PUDP: variants seen among roughly 807,000 people sequenced by gnomAD.
The protein encoded by PUDP is pseudouridine-5'-phosphatase.
A neutral mutation model predicts 9.4 loss-of-function variants in PUDP; 8 were observed. The ratio of observed to expected loss-of-function variants is 0.85; its 90% CI spans 0.50 to 1.53. The LOEUF (loss-of-function observed/expected upper bound fraction) is 1.53, where lower values mean the gene tolerates loss of function less well. Ranked by LOEUF, PUDP falls within the 40% of genes most tolerant of loss-of-function variation. The pLI, the probability that PUDP is intolerant of heterozygous loss-of-function variation, is 0.00. For missense variants in PUDP, 188 were observed against 189.7 expected, an observed-to-expected ratio of 0.99 and a Z score of 0.05; for synonymous variants, 99 against 80.7, an observed-to-expected ratio of 1.23 and a Z score of -1.22.
At chrX:7,132,188 GA>G (rs1411414870) in intron 1 of PUDP, among the ~76,000 whole-genome samples, 2 of 111,115 alleles carry the variant, frequency 1.8e-5, no homozygotes, top group Non-Finnish European at 3.8e-5. Context: ...GTCCTGCTGT[GA>G]AAAGTCAGTC....
At chrX:7,064,137 G>A (rs1930482057) in intron 3 of PUDP, among the ~76,000 whole-genome samples, 1 of 111,165 alleles carries the variant, frequency 9.0e-6, no homozygotes, top group African/African-American at 3.3e-5. Context: ...CTTTATGTTG[G>A]GATATGCACT....
At chrX:6,950,866 C>T (rs1193349968) in intron 3 of PUDP, among the ~76,000 whole-genome samples, 8 of 111,724 alleles carry the variant, frequency 7.2e-5, no homozygotes, top group Non-Finnish European at 9.4e-5. Context: ...GGTGAAGGCC[C>T]GAGTAGAGCA....
chrX:6,776,864 A>G (rs1925473549), intron 3 of PUDP, among the ~76,000 whole-genome samples: 1 of 112,534 alleles, frequency 8.9e-6, no homozygotes, highest in Non-Finnish European at 1.9e-5. Context: ...TGAAATACAA[A>G]TAATACTCCA....
At chrX:7,100,872 T>C (rs1321949525) in intron 2 of PUDP, among the ~76,000 whole-genome samples, 2 of 112,340 alleles carry the variant, frequency 1.8e-5, no homozygotes, top group Admixed American at 9.4e-5. Context: ...TTCTGCTCTA[T>C]ACATTCAGTC....
chrX:7,000,974 CAAT>C (rs2146809302), intron 1 of PUDP, among the ~76,000 whole-genome samples: 1 of 108,070 alleles, frequency 9.3e-6, no homozygotes, highest in South Asian at 4.0e-4. Context: ...AATAAGAAAA[CAAT>C]AAAGTATATA....
chrX:6,837,400 G>T (rs970065464), intron 3 of PUDP, among the ~76,000 whole-genome samples: 3 of 112,986 alleles, frequency 2.7e-5, no homozygotes, highest in African/African-American at 9.6e-5. Flanking sequence ...CTGCCATAAT[G>T]GCATGATGGA....
chrX:6,845,139 T>C (rs1188014689), intron 3 of PUDP, among the ~76,000 whole-genome samples: 1 of 112,020 alleles, frequency 8.9e-6, no homozygotes, highest in African/African-American at 3.2e-5. Context: ...TGGGCCTCTT[T>C]TAGCCTAGTC....
chrX:6,972,911 C>T (rs188784994), intron 3 of PUDP, among the ~76,000 whole-genome samples: 288 of 111,523 alleles, frequency 2.6e-3, no homozygotes, highest in Non-Finnish European at 4.4e-3. Context: ...TTCGGGGATT[C>T]GACTTCTTCC....
intron 3 of PUDP, among the ~76,000 whole-genome samples, chrX:7,061,389 C>A (rs1930397505): frequency 9.0e-6 from 1 of 111,318 alleles, no homozygotes; most frequent in Non-Finnish European, 1.9e-5. Flanking sequence ...CTCCCCAAAG[C>A]CAATTTTTAT....
chrX:7,080,582 T>C (rs1299609851), intron 2 of PUDP, among the ~76,000 whole-genome samples: 1 of 112,027 alleles, frequency 8.9e-6, no homozygotes, highest in Non-Finnish European at 1.9e-5. Context: ...AGTGTAGAAG[T>C]ACTCCACCTA....
At chrX:6,882,903 G>C (rs1927369778) in intron 3 of PUDP, among the ~76,000 whole-genome samples, 1 of 111,573 alleles carries the variant, frequency 9.0e-6, no homozygotes, top group African/African-American at 3.3e-5. Flanking sequence ...GGCCACCTAA[G>C]AAAAGCAGGC....
intron 1 of PUDP, among the ~76,000 whole-genome samples, chrX:7,020,071 G>C (rs951855668): frequency 9.1e-6 from 1 of 110,236 alleles, no homozygotes; most frequent in African/African-American, 3.3e-5. Context: ...TGGAAGGAGG[G>C]TTTGTGGACG....
chrX:6,794,552 A>C (rs1239780901), intron 3 of PUDP, among the ~76,000 whole-genome samples: 1 of 110,833 alleles, frequency 9.0e-6, no homozygotes, highest in African/African-American at 3.3e-5. Flanking sequence ...TTTACTTAAA[A>C]AACACTTTTC....
At chrX:6,849,160 C>T (rs1926791966) in intron 3 of PUDP, among the ~76,000 whole-genome samples, 1 of 111,248 alleles carries the variant, frequency 9.0e-6, no homozygotes, top group African/African-American at 3.3e-5. Flanking sequence ...TATTGGAAGC[C>T]CTCTGAGAGC....
intron 3 of PUDP, among the ~76,000 whole-genome samples, chrX:6,821,497 C>T (rs955640191): frequency 9.0e-6 from 1 of 111,091 alleles, no homozygotes; most frequent in African/African-American, 3.3e-5. Flanking sequence ...AGCAGGAAAC[C>T]CACGTTCACC....
intron 1 of PUDP, among the ~76,000 whole-genome samples, chrX:7,109,033 C>T (rs758382841): frequency 4.2e-4 from 47 of 111,874 alleles, no homozygotes; most frequent in Non-Finnish European, 6.0e-4. Context: ...AGTCGAAGTT[C>T]AAGTAACAAC....
chrX:7,129,422 G>A (rs958322255), intron 1 of PUDP, among the ~76,000 whole-genome samples: 4 of 111,825 alleles, frequency 3.6e-5, no homozygotes, highest in Non-Finnish European at 7.5e-5. Context: ...TGTTGGACCC[G>A]TGTTCTGAAT....
In PUDP at chrX:7,050,495, G is replaced by A. The variant is rs964742229; in HGVS notation, c.511-23C>T. 8 of 1,185,543 alleles carry A rather than the reference G, an allele frequency of 6.7e-6. No homozygotes were observed. The East Asian group carries it at 9.0e-5, about 13-fold the overall frequency. ...GCACTGTAGGAAGAAAAAGAAAGTC[G>A]AGATGGCCTTTTATGGAACCAGACA... On this transcript the variant is annotated intron_variant, in intron 3 of 3. Transcript: ENST00000381077.
At chrX:6,927,932 A>G (rs774752463) in intron 3 of PUDP, among the ~76,000 whole-genome samples, 1 of 106,335 alleles carries the variant, frequency 9.4e-6, no homozygotes, top group South Asian at 4.3e-4. Flanking sequence ...AGAGACACTC[A>G]TCATTCTTGG....
Sources: gnomAD v4.1 joint callset for allele counts (sites outside exome capture counted in the v4.1 genomes callset) on GRCh38, gnomAD v4.1.1 for gene constraint, MANE v1.5 for transcripts, NCBI Gene and HGNC (gene_info 2026-07-23, HGNC 2026-07-21) for gene names.